Variants in USP8 observed in about 807,000 individuals in gnomAD.
The protein encoded by USP8 is ubiquitin specific peptidase 8.
A neutral mutation model predicts 130.0 loss-of-function variants in USP8; 27 were observed. The ratio of observed to expected loss-of-function variants is 0.21; its 90% CI spans 0.15 to 0.29. The LOEUF (loss-of-function observed/expected upper bound fraction) is 0.29, where lower values mean the gene tolerates loss of function less well. Ranked by LOEUF, USP8 falls within the 10% of genes least tolerant of loss-of-function variation. The pLI is 1.00. For missense variants in USP8, 1,029 were observed against 1,312.2 expected, an observed-to-expected ratio of 0.78 and a Z score of 3.33; for synonymous variants, 392 against 444.1, an observed-to-expected ratio of 0.88 and a Z score of 1.48.
At chr15:50,436,441 G>A (rs1265033929) in intron 1 of USP8, among the ~76,000 whole-genome samples, 1 of 152,022 alleles carries the variant, frequency 6.6e-6, no homozygotes, top group Non-Finnish European at 1.5e-5. Context: ...ATCATACTAT[G>A]CTGTATTACT....
rs138087428 is a variant in USP8, at chr15:50,481,021, T to A, written c.1219-460T>A. ...TTGATTTGTGCAACTATTGGGAGAG[T>A]GAGAGTGGTTACATCCATGAGATTA... On this transcript the variant is annotated intron_variant, in intron 10 of 19. Coordinates refer to ENST00000307179, the MANE Select transcript of USP8 (RefSeq NM_005154.5). Among the ~76,000 whole-genome samples the A allele has an allele frequency of 3.9e-3, 578 of 147,730 alleles. 4 individuals are homozygous for A. The highest frequency in any genetic ancestry group is 0.014 in the African/African-American group (560 of 40,026).
rs1307116996 is a variant in USP8 at position 50,481,634 on chromosome 15, A to G, written c.1372A>G (p.Thr458Ala). The change falls in exon 11 of 20, where the codon ACA (threonine) becomes GCA (alanine). Residue 458 changes from threonine (T) to alanine (A), a missense_variant. Around this residue, in one of 4 missense-constraint regions of USP8, gnomAD observed 486 missense variants for 522.0 expected, o/e 0.93. Coordinates refer to ENST00000307179, the MANE Select transcript of USP8 (RefSeq NM_005154.5). ...PVVFSPTLML[T>A]DEEKARIHAE... is the part of the protein sequence containing the mutation. ...AGTTTTTTCTCCAACTCTCATGTTA[A>G]CAGATGAAGAAAAGGCTCGTATTCA... 1 of 1,614,108 alleles carries G rather than the reference A, an allele frequency of 6.2e-7. No homozygotes were observed. Among genetic ancestry groups the G allele is most frequent in the South Asian group, 1.1e-5 (1 of 91,064 alleles).
chr15:50,467,731 T>C (rs1200690570), intron 7 of USP8, among the ~76,000 whole-genome samples: 1 of 151,514 alleles, frequency 6.6e-6, no homozygotes, highest in Admixed American at 6.6e-5. Flanking sequence ...GATTTTTGTA[T>C]TTTTTTGTAG....
At chr15:50,462,243 A>G (rs1446868832) in intron 5 of USP8, 37 bp from the exon 6 acceptor site, 2 of 1,575,370 alleles carry the variant, frequency 1.3e-6, no homozygotes, top group Non-Finnish European at 1.7e-6. Context: ...TTTTGTGTCT[A>G]TGAAAGTTGA....
intron 15 of USP8, 102 bp from the exon 16 acceptor site, chr15:50,493,968 A>C: frequency 1.6e-6 from 2 of 1,280,596 alleles, no homozygotes; most frequent in South Asian, 2.4e-5. Context: ...ATGTAGTGCT[A>C]CAGTATGTGA....
rs766068005 is a variant in USP8 at position 50,495,886 on chromosome 15, T to G, written c.2697T>G (p.Asp899Glu). ...AGAGATATAAAGAAGAAAATAATGA[T>G]CATCTCGATGACTTTAAAGCTGCAG... ...NRKRYKEENN[D>E]HLDDFKAAEH... is the part of the protein sequence containing the mutation. Residue 899 changes from aspartate (D) to glutamate (E), a missense_variant, in exon 17 of 20, where the codon GAT becomes GAG. This residue lies in a region of USP8 where 257 missense variants were observed against 429.8 expected (regional missense o/e 0.60). Coordinates refer to ENST00000307179, the MANE Select transcript of USP8 (RefSeq NM_005154.5). 6.2e-7 allele frequency: 1 copy of G among 1,613,800 alleles called. No individual in the cohort carries two copies. Among genetic ancestry groups the G allele is most frequent in the Non-Finnish European group, 8.5e-7 (1 of 1,179,888 alleles).
At chr15:50,454,580 C>T (rs1308403391) in intron 4 of USP8, among the ~76,000 whole-genome samples, 4 of 151,578 alleles carry the variant, frequency 2.6e-5, no homozygotes, top group Non-Finnish European at 5.9e-5. Flanking sequence ...CTTAGCCTCC[C>T]AAGTAGCTGG....
intron 3 of USP8, among the ~76,000 whole-genome samples, chr15:50,448,138 G>C (rs2050501437): frequency 6.6e-6 from 1 of 152,138 alleles, no homozygotes; most frequent in Non-Finnish European, 1.5e-5. Flanking sequence ...TGGGCTGTTA[G>C]ATATGTTTAT....
rs1166372777 is a variant in USP8, at chr15:50,459,989, C to G, written c.498+827C>G. Among the ~76,000 whole-genome samples the G allele has an allele frequency of 1.4e-4, 10 of 69,122 alleles. No homozygotes were observed. The Admixed American group carries it at 1.7e-3, about 12-fold the overall frequency. The allele number at this position is 69,122 out of a possible 152,430, so 45.3% of individuals were successfully genotyped here. On this transcript the variant is annotated intron_variant, in intron 5 of 19. Transcript: ENST00000307179. Reference sequence around the variant, plus strand: ...TCTTTTTCTCCCCCAGTTCCCCCACCCCCCCCCTTTTTTTTTTTTTTTTTT... The same window carrying G: ...TCTTTTTCTCCCCCAGTTCCCCCACGCCCCCCCTTTTTTTTTTTTTTTTTT...
At chr15:50,442,155 G>C (rs1448375879) in intron 3 of USP8, among the ~76,000 whole-genome samples, 1 of 151,734 alleles carries the variant, frequency 6.6e-6, no homozygotes, top group African/African-American at 2.4e-5. Context: ...TGTATTTTTG[G>C]TAGAGATGGG....
At position 50,497,032 on chromosome 15, in the gene USP8, C is replaced by G. The variant is rs2052442174; in HGVS notation, c.2896-57C>G. 5 of 1,550,340 alleles carry G rather than the reference C, an allele frequency of 3.2e-6. No individual in the cohort carries two copies. The African/African-American group carries it at 5.5e-5, about 17-fold the overall frequency. On this transcript the variant is annotated intron_variant, in intron 17 of 19. Transcript: ENST00000307179. ...GAGTGACTAACTAAATAGGTGCTCT[C>G]TGACATTATTGAAGAATCGAATTAA...
At chr15:50,437,826 C>G (rs1026041205) in intron 1 of USP8, among the ~76,000 whole-genome samples, 6 of 152,110 alleles carry the variant, frequency 3.9e-5, no homozygotes, top group Non-Finnish European at 2.9e-5. Context: ...CCTTTTCTCC[C>G]CTATCACTAC....
chr15:50,442,986 T>A (rs922931782), intron 3 of USP8, among the ~76,000 whole-genome samples: 1 of 152,204 alleles, frequency 6.6e-6, no homozygotes, highest in African/African-American at 2.4e-5. Flanking sequence ...ATTGTTTAAA[T>A]TGACTTACTG....
intron 12 of USP8, 160 bp from the exon 13 acceptor site, chr15:50,489,641 T>C (rs2052087285): frequency 2.6e-6 from 1 of 378,052 alleles, no homozygotes; most frequent in Admixed American, 4.4e-5. Flanking sequence ...GATAATTTTT[T>C]TCATCTCTGA....
intron 5 of USP8, among the ~76,000 whole-genome samples, chr15:50,461,219 C>A (rs752984308): frequency 4.6e-5 from 7 of 151,922 alleles, no homozygotes; most frequent in Non-Finnish European, 1.0e-4. Flanking sequence ...CTTGAACTCC[C>A]AACCTCAGGT....
intron 7 of USP8, chr15:50,466,793 T>C (rs1334958078): frequency 7.7e-6 from 2 of 258,660 alleles, no homozygotes; most frequent in Non-Finnish European, 1.6e-5. Flanking sequence ...AGCAATTCAC[T>C]GAATTCGAAT....
intron 1 of USP8, chr15:50,432,500 G>T (rs565462135): frequency 6.6e-6 from 1 of 152,280 alleles, no homozygotes; most frequent in South Asian, 2.1e-4. Context: ...CTTTAAAAAG[G>T]TCAGTGTGCT....
chr15:50,493,025 T>C, intron 15 of USP8, 112 bp downstream of exon 15: 1 of 1,114,160 alleles, frequency 9.0e-7, no homozygotes, highest in Non-Finnish European at 1.3e-6. Flanking sequence ...TAAGACTAGA[T>C]AATTTGTAAA....
At chr15:50,438,584 CAAAT>C (rs537719478) in intron 1 of USP8, among the ~76,000 whole-genome samples, 502 of 151,636 alleles carry the variant, frequency 3.3e-3, no homozygotes, top group Non-Finnish European at 5.3e-3. Flanking sequence ...GACCCTATCT[CAAAT>C]AAATAAATAA....
Sources: gnomAD v4.1 joint callset for allele counts (sites outside exome capture counted in the v4.1 genomes callset) on GRCh38, gnomAD v4.1.1 for gene constraint, gnomAD v4.1.1 regional missense constraint, MANE v1.5 for transcripts, NCBI Gene and HGNC (gene_info 2026-07-23, HGNC 2026-07-21) for gene names.